Variants in GALNTL6 observed in about 807,000 individuals in gnomAD.
GALNTL6 encodes the protein polypeptide N-acetylgalactosaminyltransferase like 6, also known as polypeptide N-acetylgalactosaminyltransferase-like 6.
Under a neutral mutation model 73.7 loss-of-function variants are expected in GALNTL6, and 46 were observed. That is an observed-to-expected ratio of 0.62 (90% confidence interval 0.49 to 0.80). The LOEUF is 0.80. GALNTL6 is among the 30% of genes least tolerant of loss of function. The pLI is 0.00. For missense variants in GALNTL6, 604 were observed against 755.0 expected, an observed-to-expected ratio of 0.80 and a Z score of 2.34; for synonymous variants, 259 against 263.7, an observed-to-expected ratio of 0.98 and a Z score of 0.17.
intron 5 of GALNTL6, among the ~76,000 whole-genome samples, chr4:172,549,439 G>A (rs1015885571): frequency 2.6e-5 from 4 of 151,848 alleles, no homozygotes; most frequent in Admixed American, 1.3e-4. Context: ...GTTACCTTAC[G>A]CATGTCATTT....
chr4:172,207,715 C>A (rs767161539), intron 2 of GALNTL6, among the ~76,000 whole-genome samples: 1 of 152,076 alleles, frequency 6.6e-6, no homozygotes, highest in African/African-American at 2.4e-5. Flanking sequence ...TACTTGAATT[C>A]TCTGTCCCTC....
chr4:172,622,197 T>TA (rs1738989165), intron 5 of GALNTL6, among the ~76,000 whole-genome samples: 1 of 152,148 alleles, frequency 6.6e-6, no homozygotes, highest in African/African-American at 2.4e-5. Context: ...AACATCCTGT[T>TA]AATAGGAACT....
At chr4:172,445,562 A>G (rs1731989621) in intron 5 of GALNTL6, among the ~76,000 whole-genome samples, 1 of 152,200 alleles carries the variant, frequency 6.6e-6, no homozygotes, top group African/African-American at 2.4e-5. Context: ...AATTGAATAG[A>G]TGTAACTGAA....
chr4:172,710,673 T>C (rs1340619272), intron 5 of GALNTL6, among the ~76,000 whole-genome samples: 1 of 152,188 alleles, frequency 6.6e-6, no homozygotes, highest in Non-Finnish European at 1.5e-5. Context: ...AATTTGCTTC[T>C]AGGAAAATAA....
chr4:172,235,144 T>TCTAA (rs1447654563), intron 3 of GALNTL6, among the ~76,000 whole-genome samples: 11 of 109,492 alleles, frequency 1.0e-4, no homozygotes, highest in African/African-American at 3.8e-4. Context: ...ATTACTTTTT[T>TCTAA]CAGATATTGT....
chr4:172,073,326 C>A (rs184975389), intron 2 of GALNTL6, among the ~76,000 whole-genome samples: 5 of 152,266 alleles, frequency 3.3e-5, no homozygotes, highest in African/African-American at 1.2e-4. Context: ...TTTTCTGATT[C>A]ACTGACATAG....
At chr4:172,481,302 G>A (rs924620668) in intron 5 of GALNTL6, among the ~76,000 whole-genome samples, 7 of 148,560 alleles carry the variant, frequency 4.7e-5, no homozygotes, top group Admixed American at 2.7e-4. Context: ...GAGTGAAGCT[G>A]CAGACCTTCA....
chr4:172,779,536 AT>A (rs2110891733), intron 5 of GALNTL6, among the ~76,000 whole-genome samples: 1 of 152,296 alleles, frequency 6.6e-6, no homozygotes, highest in African/African-American at 2.4e-5. Flanking sequence ...TGAGCTCAAT[AT>A]TATCCCATTC....
Position 172,580,442 on chromosome 4 carries a change from G to C in GALNTL6, c.554-228919G>C, listed in dbSNP as rs533309269. The stretch of plus-strand genomic sequence containing the variant: ...AAACCCAAGTAAAAAGTAAATATCA[G>C]ATTGGACATAACTCAATACAACCAA... On this transcript the variant is annotated intron_variant, in intron 5 of 12. Transcript: ENST00000506823. Among the ~76,000 whole-genome samples the C allele has an allele frequency of 1.2e-4, 18 of 152,290 alleles. No homozygotes were observed. In the South Asian group the frequency reaches 2.9e-3, roughly 25 times the overall value.
At chr4:172,224,426 G>A (rs1022088387) in intron 2 of GALNTL6, among the ~76,000 whole-genome samples, 2 of 152,168 alleles carry the variant, frequency 1.3e-5, no homozygotes, top group Non-Finnish European at 2.9e-5. Context: ...ATGGTTGATT[G>A]TGACAATAAA....
chr4:172,178,655 T>TC (rs1313571168), intron 2 of GALNTL6, among the ~76,000 whole-genome samples: 1 of 142,292 alleles, frequency 7.0e-6, no homozygotes, highest in African/African-American at 2.6e-5. Flanking sequence ...ACATTTTCTT[T>TC]TTTTTTTTTT....
chr4:172,433,459 A>G (rs1396129660), intron 5 of GALNTL6, among the ~76,000 whole-genome samples: 1 of 152,068 alleles, frequency 6.6e-6, no homozygotes, highest in Non-Finnish European at 1.5e-5. Context: ...TCCCTGCCTG[A>G]TGGACACGGC....
In GALNTL6 at chr4:172,506,724, C is replaced by A. The variant is rs1206334672; in HGVS notation, c.553+158035C>A. ...CTCCAGTCAGTTCTCCATACAGCAA[C>A]CAGAATCATGCTTTAAAAAAAATCT... On this transcript the variant is annotated intron_variant, in intron 5 of 12. Coordinates refer to ENST00000506823, the MANE Select transcript of GALNTL6 (RefSeq NM_001034845.3). Among the ~76,000 whole-genome samples the A allele has an allele frequency of 2.8e-4, 15 of 54,346 alleles. 7 individuals are homozygous for A. In the South Asian group the frequency reaches 0.03, roughly 107 times the overall value. 35.7% of individuals were successfully genotyped at this position (54,346 alleles called of 152,430 possible). A position where few individuals can be genotyped will look rare whatever the true frequency, so the allele number is the denominator to read the frequency against.
chr4:172,346,988 C>CTTTTTTTTTTTTTTTT (rs34332250), intron 4 of GALNTL6, among the ~76,000 whole-genome samples: 4 of 114,396 alleles, frequency 3.5e-5, no homozygotes, highest in African/African-American at 6.9e-5. Flanking sequence ...TGTTTTCTTT[C>CTTTTTTTTTTTTTTTT]TTTTTTTTTT....
intron 2 of GALNTL6, among the ~76,000 whole-genome samples, chr4:172,189,681 T>A (rs1160781744): frequency 6.6e-6 from 1 of 152,138 alleles, no homozygotes; most frequent in African/African-American, 2.4e-5. Context: ...CCTTTTAAAA[T>A]TGAGAAGGGA....
chr4:172,002,005 A>G (rs1345448946), intron 2 of GALNTL6, among the ~76,000 whole-genome samples: 3 of 152,136 alleles, frequency 2.0e-5, no homozygotes, highest in Non-Finnish European at 4.4e-5. Flanking sequence ...AGCCATCCAA[A>G]TGAAGTCCCT....
At chr4:172,973,170 A>T (rs1412494646) in intron 10 of GALNTL6, among the ~76,000 whole-genome samples, 1 of 152,256 alleles carries the variant, frequency 6.6e-6, no homozygotes, top group Non-Finnish European at 1.5e-5. Context: ...ATAAAACCTT[A>T]GATGAAGTAT....
intron 5 of GALNTL6, among the ~76,000 whole-genome samples, chr4:172,410,756 C>T (rs1203666136): frequency 6.6e-6 from 1 of 152,042 alleles, no homozygotes; most frequent in East Asian, 1.9e-4. Context: ...ATACAAACAC[C>T]ATCAGTTAAT....
intron 2 of GALNTL6, among the ~76,000 whole-genome samples, chr4:171,969,494 G>A (rs1739496356): frequency 6.6e-6 from 1 of 152,126 alleles, no homozygotes; most frequent in Non-Finnish European, 1.5e-5. Context: ...GGCATAGGAG[G>A]TATTTCACCA....
Sources: allele counts gnomAD v4.1 joint callset (sites outside exome capture counted in the v4.1 genomes callset), GRCh38; gene constraint gnomAD v4.1.1; transcripts MANE v1.5; gene names NCBI Gene and HGNC (gene_info 2026-07-23, HGNC 2026-07-21).